Variants in MAP4 observed in about 807,000 individuals in gnomAD.
The protein encoded by MAP4 is microtubule associated protein 4.
In MAP4, 76 loss-of-function variants were observed where a neutral mutation model predicts 170.2. The observed-to-expected ratio is 0.45, with a 90% CI of 0.37 to 0.54. The LOEUF is 0.54. Among genes scored for constraint, MAP4 ranks in the 20% least tolerant of loss-of-function variants. The probability of loss-of-function intolerance (pLI) is 0.00; values close to 1 mark genes in which losing one functional copy is unlikely to be tolerated. For synonymous variants in MAP4, 909 were observed against 994.5 expected (o/e 0.91, Z 1.62); for missense variants, 2,506 against 2,748.0 (o/e 0.91, Z 1.97).
At chr3:48,023,692 T>G (rs1449578872) in intron 1 of MAP4, among the ~76,000 whole-genome samples, 1 of 152,244 alleles carries the variant, frequency 6.6e-6, no homozygotes, top group East Asian at 1.9e-4. Flanking sequence ...AAGTTGGCTG[T>G]GTTCAATATT....
chr3:48,059,757 T>C (rs987531009), intron 1 of MAP4, among the ~76,000 whole-genome samples: 6 of 152,096 alleles, frequency 3.9e-5, no homozygotes, highest in East Asian at 1.9e-4. Context: ...GGCAGGCGGA[T>C]TGCCTGAGCT....
At chr3:47,913,992 G>A (rs1052167896) in intron 8 of MAP4, among the ~76,000 whole-genome samples, 1 of 152,080 alleles carries the variant, frequency 6.6e-6, no homozygotes, top group South Asian at 2.1e-4. Context: ...AATTATCTGG[G>A]GATCTAATTA....
chr3:48,019,758 T>C (rs2100109650), upstream of MAP4, among the ~76,000 whole-genome samples: 1 of 152,060 alleles, frequency 6.6e-6, no homozygotes, highest in South Asian at 2.1e-4. Flanking sequence ...ACACCTGTGG[T>C]CCCAGCTCTT....
intron 10 of MAP4, among the ~76,000 whole-genome samples, chr3:47,878,237 A>G (rs538401678): frequency 1.3e-5 from 2 of 152,356 alleles, no homozygotes; most frequent in South Asian, 2.1e-4. Context: ...GCCACAAGAG[A>G]TAAGTTTGAC....
Position 47,855,482 on chromosome 3 carries a change from TGAA to T in MAP4, c.6584-125_6584-123del, listed in dbSNP as rs1179167261. 2 of 681,218 alleles carry T rather than the reference TGAA, an allele frequency of 2.9e-6. No homozygotes were observed. Among genetic ancestry groups the T allele is most frequent in the Non-Finnish European group, 5.4e-6 (2 of 369,494 alleles). 42.2% of individuals were successfully genotyped at this position (681,218 alleles called of 1,614,324 possible). A position where few individuals can be genotyped will look rare whatever the true frequency, so the allele number is the denominator to read the frequency against. ...GACGTGACCTGTTCTGGGTGGCAAA[TGAA>T]GAACAGTGAACACGTTTGTCTAAAG... is the stretch of plus-strand genomic sequence containing the variant. On this transcript the variant is annotated intron_variant, in intron 18 of 20. Coordinates refer to ENST00000683076, the MANE Select transcript of MAP4 (RefSeq NM_001385682.1). The surrounding 1 kb of genome is among the most constrained non-coding windows in gnomAD (Gnocchi z 5.1).
chr3:47,974,078 A>C, intron 3 of MAP4: 1 of 985,280 alleles, frequency 1.0e-6, no homozygotes, highest in Non-Finnish European at 1.2e-6. Context: ...TTAAACTTTC[A>C]TGATATTCTA....
chr3:48,018,210 A>G (rs572589234), upstream of MAP4, among the ~76,000 whole-genome samples: 1 of 152,258 alleles, frequency 6.6e-6, no homozygotes, highest in East Asian at 1.9e-4. Context: ...GGGACCCCCC[A>G]CTGTAGTTAG....
In MAP4 at chr3:47,851,608, A is replaced by G. The variant is rs2042368662; in HGVS notation, c.*1326T>C. The G allele has an allele frequency of 6.6e-6, 1 of 152,238 alleles. No homozygotes were observed. The highest frequency in any genetic ancestry group is 2.1e-4 in the South Asian group (1 of 4,838). 9.4% of individuals were successfully genotyped at this position (152,238 alleles called of 1,614,324 possible). ...CCATGCAAACTTTAATACAAAAAAT[A>G]CAAGTGCAATAAGAATCTTTGTGTC... On this transcript the variant is annotated 3_prime_UTR_variant, in exon 21 of 21. Coordinates refer to ENST00000683076, the MANE Select transcript of MAP4 (RefSeq NM_001385682.1).
At position 48,048,669 on chromosome 3, in the gene MAP4, G is replaced by A. The variant is rs532908247; in HGVS notation, c.-20+40104C>T. Among the ~76,000 whole-genome samples the A allele has an allele frequency of 5.3e-5, 8 of 151,852 alleles. No individual in the cohort carries two copies. The South Asian group carries it at 1.0e-3, about 20-fold the overall frequency. On this transcript the variant is annotated intron_variant, in intron 1 of 18. Transcript: ENST00000360240. The stretch of plus-strand genomic sequence containing the variant: ...GTAGCTGAGACCACAGGTGCATGCC[G>A]CCACACTGGGCTAATTTTTTAAATT...
intron 1 of MAP4, among the ~76,000 whole-genome samples, chr3:48,054,613 G>C (rs2100129671): frequency 9.6e-6 from 1 of 104,258 alleles, no homozygotes; most frequent in African/African-American, 3.9e-5. Context: ...CTGGGCGACA[G>C]TGTAAGACTC....
rs748678296 is a variant in MAP4, at chr3:47,911,204, T to G, written c.3217A>C (p.Thr1073Pro). The change falls in exon 9 of 21, where the codon ACA (threonine) becomes CCA (proline). Residue 1073 changes from threonine (T) to proline (P), a missense_variant. Transcript: ENST00000683076. This position sits in a 1 kb window ranked among gnomAD's most constrained non-coding sequence, Gnocchi z 4.0. ...KGRGSSGKMR[T>P]DSGKVKAKSE... ...TTTGCTTTTACCTTCCCAGAATCTG[T>G]TCTCATTTTCCCAGAACTTCCCCTT... 1.3e-4 allele frequency: 193 copies of G among 1,535,984 alleles called. 1 individual carries two copies. In the East Asian group the frequency reaches 4.3e-3, roughly 34 times the overall value.
chr3:47,906,880 G>A (rs1300686423), intron 9 of MAP4, among the ~76,000 whole-genome samples: 2 of 149,318 alleles, frequency 1.3e-5, no homozygotes, highest in African/African-American at 4.9e-5. Context: ...TTGTGGCCCA[G>A]GCTGGGGTGC....
chr3:48,007,819 C>T (rs1389086289), intron 1 of MAP4, among the ~76,000 whole-genome samples: 4 of 151,902 alleles, frequency 2.6e-5, no homozygotes, highest in East Asian at 3.9e-4. Context: ...AATACAGGTG[C>T]GTGCCACCAC....
chr3:48,015,657 A>C (rs17079910), intron 1 of MAP4, among the ~76,000 whole-genome samples: 7,945 of 152,278 alleles, frequency 0.052, 405 homozygotes, highest in East Asian at 0.16. Context: ...GAGGCCTGTT[A>C]TACATCAAGC....
intron 3 of MAP4, among the ~76,000 whole-genome samples, chr3:47,963,171 G>A (rs2100072709): frequency 6.6e-6 from 1 of 152,208 alleles, no homozygotes; most frequent in South Asian, 2.1e-4. Context: ...ATATGCTCCA[G>A]TTACATCCGA....
At position 47,966,674 on chromosome 3, in the gene MAP4, C is replaced by G. The variant is rs1026386584; in HGVS notation, c.292+11191G>C. Among the ~76,000 whole-genome samples, 8 of 152,164 alleles carry G rather than the reference C, an allele frequency of 5.3e-5. No individual in the cohort carries two copies. The East Asian group carries it at 1.5e-3, about 29-fold the overall frequency. ...GGATTATTGGCATAAACCACTGTTCCCAGCAGGATCCAACTTTTTTATGTG... is the reference window on the plus strand; with the variant it reads ...GGATTATTGGCATAAACCACTGTTCGCAGCAGGATCCAACTTTTTTATGTG... On this transcript the variant is annotated intron_variant, in intron 3 of 20. Coordinates refer to ENST00000683076, the MANE Select transcript of MAP4 (RefSeq NM_001385682.1).
rs551249497 is a variant in MAP4, at chr3:47,910,990, T to C, written c.3431A>G (p.Glu1144Gly). ...TEAVVMGEPK[E>G]MTQPKVAGTM... ...GCCTGCCACCTTAGGCTGAGTCATC[T>C]CTTTAGGCTCCCCCATCACCACTGC... Residue 1144 changes from glutamate (E) to glycine (G), a missense_variant, in exon 9 of 21, where the codon GAG becomes GGG. Glu to Gly is a moderately conservative substitution (Grantham distance 98). Transcript: ENST00000683076. 1 of 1,536,176 alleles carries C rather than the reference T, an allele frequency of 6.5e-7. No individual in the cohort carries two copies. Among genetic ancestry groups the C allele is most frequent in the East Asian group, 2.4e-5 (1 of 40,918 alleles).
At chr3:48,076,263 G>A (rs377746410) in intron 1 of MAP4, among the ~76,000 whole-genome samples, 5 of 151,454 alleles carry the variant, frequency 3.3e-5, no homozygotes, top group Non-Finnish European at 5.9e-5. Flanking sequence ...TTGGGAGCCC[G>A]AGGTGGGCAG....
chr3:48,073,551 C>A (rs529231086), intron 1 of MAP4, among the ~76,000 whole-genome samples: 2 of 150,286 alleles, frequency 1.3e-5, no homozygotes, highest in African/African-American at 4.9e-5. Context: ...GCGGAGGTTG[C>A]GGAGAGCCGA....
Sources: gnomAD v4.1 joint callset for allele counts (sites outside exome capture counted in the v4.1 genomes callset) on GRCh38, gnomAD v4.1.1 for gene constraint, Gnocchi (gnomAD v3.1) non-coding constraint, MANE v1.5 for transcripts, NCBI Gene and HGNC (gene_info 2026-07-23, HGNC 2026-07-21) for gene names.